Variants in CACNA1E observed in about 807,000 individuals in gnomAD.
CACNA1E encodes the protein calcium voltage-gated channel subunit alpha1 E.
Under a neutral mutation model 259.2 loss-of-function variants are expected in CACNA1E, and 40 were observed. That is an observed-to-expected ratio of 0.15 (90% CI 0.12 to 0.20). The LOEUF (loss-of-function observed/expected upper bound fraction) is 0.20, where lower values mean the gene tolerates loss of function less well. Among genes scored for constraint, CACNA1E ranks in the 10% least tolerant of loss-of-function variants. The pLI is 1.00. For missense variants in CACNA1E, 1,874 were observed against 3,040.1 expected (o/e 0.62, Z 9.02); for synonymous variants, 1,104 against 1,138.5 (o/e 0.97, Z 0.61).
At chr1:181,540,319 T>C (rs1430809707) in intron 3 of CACNA1E, among the ~76,000 whole-genome samples, 1 of 152,192 alleles carries the variant, frequency 6.6e-6, no homozygotes, top group African/African-American at 2.4e-5. Context: ...CCCTAATCTC[T>C]GTGCTCTATG....
chr1:181,794,227 C>T (rs372784100), intron 45 of CACNA1E, among the ~76,000 whole-genome samples: 1 of 152,262 alleles, frequency 6.6e-6, no homozygotes, highest in African/African-American at 2.4e-5. Flanking sequence ...GCTTCTTTTT[C>T]CTGTCTGTCG....
At chr1:181,583,378 TCATGAAGAG>T (rs1173544698) in intron 6 of CACNA1E, among the ~76,000 whole-genome samples, 1 of 152,182 alleles carries the variant, frequency 6.6e-6, no homozygotes, top group Non-Finnish European at 1.5e-5. Flanking sequence ...CTGGATTTGT[TCATGAAGAG>T]CACTAAGAGA....
At chr1:181,713,759 C>T (rs1169605094) in intron 8 of CACNA1E, among the ~76,000 whole-genome samples, 1 of 152,212 alleles carries the variant, frequency 6.6e-6, no homozygotes, top group African/African-American at 2.4e-5. Context: ...CATCCCGTTA[C>T]TCCTCATAGG....
chr1:181,322,431 G>C (rs911826725), intron 1 of CACNA1E, among the ~76,000 whole-genome samples: 3 of 152,182 alleles, frequency 2.0e-5, no homozygotes, highest in Non-Finnish European at 4.4e-5. Flanking sequence ...AAGCCATTCA[G>C]AACCAAAAAG....
At chr1:181,461,336 T>TTGCACCACTGCACTCCAGCCTGGG (rs1231445268) in intron 2 of CACNA1E, among the ~76,000 whole-genome samples, 19 of 151,636 alleles carry the variant, frequency 1.3e-4, no homozygotes, top group African/African-American at 3.9e-4. Flanking sequence ...GGTCAGGAGA[T>TTGCACCACTGCACTCCAGCCTGGG]CGAGACCATC....
chr1:181,418,788 C>T (rs1435989174), intron 2 of CACNA1E, among the ~76,000 whole-genome samples: 2 of 152,014 alleles, frequency 1.3e-5, no homozygotes, highest in African/African-American at 4.8e-5. Flanking sequence ...GATCACCATT[C>T]ACCACCTCTG....
At chr1:181,558,092 T>C (rs140911052) in intron 3 of CACNA1E, among the ~76,000 whole-genome samples, 68 of 152,290 alleles carry the variant, frequency 4.5e-4, no homozygotes, top group African/African-American at 1.5e-3. Flanking sequence ...GAGAAGAGAA[T>C]AATTCCAGAA....
At chr1:181,334,811 G>A (rs776672267) in intron 1 of CACNA1E, among the ~76,000 whole-genome samples, 6 of 152,142 alleles carry the variant, frequency 3.9e-5, no homozygotes, top group Non-Finnish European at 5.9e-5. Context: ...CTGAGTCAGG[G>A]GGTCTCACTC....
chr1:181,436,577 G>A (rs1393413749), intron 2 of CACNA1E, among the ~76,000 whole-genome samples: 1 of 152,216 alleles, frequency 6.6e-6, no homozygotes, highest in Non-Finnish European at 1.5e-5. Context: ...TGAACCTGGA[G>A]CATATTATGC....
chr1:181,442,994 G>A (rs1284895106), intron 2 of CACNA1E, among the ~76,000 whole-genome samples: 3 of 152,154 alleles, frequency 2.0e-5, no homozygotes, highest in Non-Finnish European at 4.4e-5. Flanking sequence ...TCTAAACCAA[G>A]GAGAAGAAAA....
chr1:181,739,600 CCTTT>C (rs2102595237), intron 25 of CACNA1E, among the ~76,000 whole-genome samples: 1 of 152,208 alleles, frequency 6.6e-6, no homozygotes, highest in African/African-American at 2.4e-5. Context: ...GCTTATGGGC[CCTTT>C]CTTTCTTGAG....
intron 2 of CACNA1E, among the ~76,000 whole-genome samples, chr1:181,458,142 T>C (rs1472283733): frequency 6.6e-6 from 1 of 152,236 alleles, no homozygotes; most frequent in Non-Finnish European, 1.5e-5. Flanking sequence ...CTGTGTGTCA[T>C]GATTTCTCAT....
intron 3 of CACNA1E, among the ~76,000 whole-genome samples, chr1:181,516,608 A>T (rs923585433): frequency 9.9e-5 from 15 of 152,218 alleles, no homozygotes. Flanking sequence ...ACTCAGCGAC[A>T]GCACCAGCTG....
chr1:181,787,906 G>A (rs1660983010), intron 43 of CACNA1E, among the ~76,000 whole-genome samples: 1 of 152,148 alleles, frequency 6.6e-6, no homozygotes. Context: ...AGATACACAG[G>A]GGCTAGTACT....
intron 35 of CACNA1E, among the ~76,000 whole-genome samples, chr1:181,767,422 C>CTT (rs1659116416): frequency 6.6e-6 from 1 of 152,136 alleles, no homozygotes; most frequent in Non-Finnish European, 1.5e-5. Flanking sequence ...AACTTTCTGA[C>CTT]TTGGAGATAT....
chr1:181,367,967 G>GC (rs1426693316), intron 1 of CACNA1E, among the ~76,000 whole-genome samples: 2 of 152,080 alleles, frequency 1.3e-5, no homozygotes, highest in Non-Finnish European at 2.9e-5. Context: ...ATGGTAGCTT[G>GC]CCCCTGTAAT....
chr1:181,590,651 G>C (rs931847436), intron 6 of CACNA1E, among the ~76,000 whole-genome samples: 1 of 152,068 alleles, frequency 6.6e-6, no homozygotes, highest in Non-Finnish European at 1.5e-5. Flanking sequence ...CTTCCTTGCA[G>C]TGTGCAGTCT....
chr1:181,321,458 T>G (rs989599123), intron 1 of CACNA1E, among the ~76,000 whole-genome samples: 10 of 152,206 alleles, frequency 6.6e-5, no homozygotes, highest in Admixed American at 3.9e-4. Flanking sequence ...TGCCTGCTTC[T>G]CTCAGGATCA....
At chr1:181,346,358 A>G (rs1652594069) in intron 1 of CACNA1E, among the ~76,000 whole-genome samples, 1 of 152,214 alleles carries the variant, frequency 6.6e-6, no homozygotes, top group East Asian at 1.9e-4. Flanking sequence ...CTTTAAAAAC[A>G]TTTCCCATAT....
Sources: allele counts gnomAD v4.1 joint callset (sites outside exome capture counted in the v4.1 genomes callset), GRCh38; gene constraint gnomAD v4.1.1; transcripts MANE v1.5; gene names NCBI Gene and HGNC (gene_info 2026-07-23, HGNC 2026-07-21).